Variants in YIPF5 observed in about 807,000 individuals in gnomAD.
The protein encoded by YIPF5 is Yip1 domain family member 5, also known as protein YIPF5.
A neutral mutation model predicts 30.4 loss-of-function variants in YIPF5; 8 were observed. The observed-to-expected ratio is 0.26, with a 90% CI of 0.15 to 0.47. YIPF5 has a LOEUF of 0.47. Among genes scored for constraint, YIPF5 ranks in the 20% least tolerant of loss-of-function variants. YIPF5 has a pLI of 0.99. For missense variants in YIPF5, 282 were observed against 301.8 expected (o/e 0.93, Z 0.49); for synonymous variants, 104 against 107.9 (o/e 0.96, Z 0.23).
In YIPF5 at chr5:144,158,720, T is replaced by A; in HGVS notation, c.*1677A>T. ...AAATTGCTTTTTTAAAGCAATTTGG[T>A]AAGTTTGAAAACCTAGCCCAAAACA... On this transcript the variant is annotated 3_prime_UTR_variant, in exon 6 of 6. Coordinates refer to ENST00000274496, the MANE Select transcript of YIPF5 (RefSeq NM_030799.9). 2 of 1,015,318 alleles carry A rather than the reference T, an allele frequency of 2.0e-6. No individual in the cohort carries two copies. Among genetic ancestry groups the A allele is most frequent in the South Asian group, 7.7e-5 (2 of 25,864 alleles). The allele number at this position is 1,015,318 out of a possible 1,614,324, so 62.9% of individuals were successfully genotyped here. A position where few individuals can be genotyped will look rare whatever the true frequency, so the allele number is the denominator to read the frequency against.
chr5:144,166,857 ACTGT>A (rs755765599), intron 2 of YIPF5, among the ~76,000 whole-genome samples: 5 of 152,172 alleles, frequency 3.3e-5, no homozygotes, highest in Non-Finnish European at 7.4e-5. Context: ...AATGAAACTG[ACTGT>A]CTGCCAACTC....
chr5:144,164,181 C>T lies in YIPF5; in HGVS notation c.359G>A (p.Ser120Asn), dbSNP rs777221520. ...TGCCAAATCAGTTTCATTCATGATGCTGCCATCTGCTACTTTTAACGGATG... is the reference window on the plus strand; with the variant it reads ...TGCCAAATCAGTTTCATTCATGATGTTGCCATCTGCTACTTTTAACGGATG... Reference protein sequence around the residue: ...VLHPLKVADGSIMNETDLAGP... With the variant: ...VLHPLKVADGNIMNETDLAGP... Residue 120 changes from serine (S) to asparagine (N), a missense_variant, in exon 4 of 6, where the codon AGC becomes AAC. Transcript: ENST00000274496. 3.6e-5 allele frequency: 58 copies of T among 1,613,646 alleles called. No individual in the cohort carries two copies. The highest frequency in any genetic ancestry group is 4.5e-5 in the Non-Finnish European group (53 of 1,179,852).
At chr5:144,164,345 A>G (rs548939257) in intron 3 of YIPF5, 89 bp from the exon 4 acceptor site, 455 of 1,166,690 alleles carry the variant, frequency 3.9e-4, no homozygotes, top group Admixed American at 4.8e-4. Context: ...AGACAAAATG[A>G]CATAGCATCA....
chr5:144,169,716 G>C, intron 2 of YIPF5, 130 bp downstream of exon 2: 1 of 744,498 alleles, frequency 1.3e-6, no homozygotes, highest in Non-Finnish European at 2.2e-6. Context: ...AGAGGAAGAA[G>C]ATTATGCATG....
At chr5:144,161,335 T>C (rs1421739942) in intron 5 of YIPF5, among the ~76,000 whole-genome samples, 6 of 12,480 alleles carry the variant, frequency 4.8e-4, no homozygotes, top group Non-Finnish European at 1.0e-3. Flanking sequence ...TTTCCTTCCT[T>C]TTTTTTTTTT....
chr5:144,170,056 A>G (rs1408437332), intron 1 of YIPF5, 91 bp from the exon 2 acceptor site: 8 of 1,021,644 alleles, frequency 7.8e-6, no homozygotes, highest in Non-Finnish European at 1.1e-5. Context: ...TAGAAACACA[A>G]CAAATATTTT....
chr5:144,169,103 A>G lies in YIPF5; in HGVS notation c.110+743T>C, dbSNP rs535069539. Among the ~76,000 whole-genome samples the G allele has an allele frequency of 5.8e-4, 88 of 152,358 alleles. 2 individuals carry two copies. The highest frequency in any genetic ancestry group is 1.8e-3 in the African/African-American group (76 of 41,580). On this transcript the variant is annotated intron_variant, in intron 2 of 5. Transcript: ENST00000274496. ...AAGTTTAAGCAATCCTAGTATAGGA[A>G]GCTCCTTTATTTGACAGGAAGCTGA...
chr5:144,169,518 C>A (rs1455903825), intron 2 of YIPF5, among the ~76,000 whole-genome samples: 1 of 152,232 alleles, frequency 6.6e-6, no homozygotes, highest in East Asian at 1.9e-4. Context: ...GTCCTATGAA[C>A]TAACAGCCTA....
chr5:144,164,402 T>C (rs913291456), intron 3 of YIPF5, 146 bp from the exon 4 acceptor site: 9 of 755,344 alleles, frequency 1.2e-5, no homozygotes, highest in Admixed American at 9.2e-5. Flanking sequence ...ATTATAATTA[T>C]TGTGATAGGG....
In YIPF5 at chr5:144,159,003, T is replaced by C; in HGVS notation, c.*1394A>G. The C allele has an allele frequency of 1.0e-6, 1 of 985,110 alleles. No homozygotes were observed. 61.0% of individuals were successfully genotyped at this position (985,110 alleles called of 1,614,324 possible). ...CTTTGTCCAGAATCAGAGACAGTTT[T>C]TCTAGAAAAAGCCAATGATCAGTAT... On this transcript the variant is annotated 3_prime_UTR_variant, in exon 6 of 6. Transcript: ENST00000274496.
At chr5:144,169,730 G>T in intron 2 of YIPF5, 116 bp downstream of exon 2, 2 of 830,370 alleles carry the variant, frequency 2.4e-6, no homozygotes, top group Non-Finnish European at 3.8e-6. Flanking sequence ...ATGCATGAAA[G>T]ATCATACTCC....
At position 144,160,683 on chromosome 5, in the gene YIPF5, T is replaced by C. The variant is rs893798643; in HGVS notation, c.612-124A>G. On this transcript the variant is annotated intron_variant, in intron 5 of 5. Coordinates refer to ENST00000274496, the MANE Select transcript of YIPF5 (RefSeq NM_030799.9). ...TACATTTTAAATCTGCAAGTAGACA[T>C]ATGCAAAAATAATCAGGATTTTTTT... is the stretch of plus-strand genomic sequence containing the variant. 6.0e-5 allele frequency: 48 copies of C among 793,554 alleles called. No individual in the cohort carries two copies. In the East Asian group the frequency reaches 1.4e-3, roughly 23 times the overall value. 49.2% of individuals were successfully genotyped at this position (793,554 alleles called of 1,614,324 possible).
Position 144,162,272 on chromosome 5 carries a change from T to C in YIPF5, c.557A>G (p.Tyr186Cys), listed in dbSNP as rs1220639006. The change falls in exon 5 of 6, where the codon TAT becomes TGT. Residue 186 changes from tyrosine (Y) to cysteine (C), a missense_variant. Transcript: ENST00000274496. Reference protein sequence around the residue: ...SFGCVASVLGYCLLPMILLSS... With the variant: ...SFGCVASVLGCCLLPMILLSS... ...AAGTAGGATCATGGGCAGAAGACAA[T>C]ATCCAAGGACACTTGCCACACAACC... 3 of 1,614,024 alleles carry C rather than the reference T, an allele frequency of 1.9e-6. No individual in the cohort carries two copies. Among genetic ancestry groups the C allele is most frequent in the Non-Finnish European group, 1.7e-6 (2 of 1,179,968 alleles).
chr5:144,162,547 AGCAGACTG>A, intron 4 of YIPF5, 148 bp from the exon 5 acceptor site: 1 of 718,764 alleles, frequency 1.4e-6, no homozygotes. Flanking sequence ...TAAAAGACTG[AGCAGACTG>A]GCTTGTTACA....
chr5:144,160,315 C>T lies in YIPF5; in HGVS notation c.*82G>A. 6.5e-7 allele frequency: 1 copy of T among 1,535,724 alleles called. No individual in the cohort carries two copies. Among genetic ancestry groups the T allele is most frequent in the Non-Finnish European group, 8.8e-7 (1 of 1,140,550 alleles). Reference sequence around the variant, plus strand: ...GTAAATCTGCATGAGAGTTGCGCTGCAGCAGTTTGCTGGTCCAATTTAAGA... The same window carrying T: ...GTAAATCTGCATGAGAGTTGCGCTGTAGCAGTTTGCTGGTCCAATTTAAGA... On this transcript the variant is annotated 3_prime_UTR_variant, in exon 6 of 6. Transcript: ENST00000274496.
At position 144,162,281 on chromosome 5, in the gene YIPF5, A is replaced by G; in HGVS notation, c.548T>C (p.Val183Ala). Residue 183 changes from valine to alanine, a missense_variant, in exon 5 of 6, where the codon GTC becomes GCC. By Grantham distance (64) the Val-to-Ala change is moderately conservative (BLOSUM62 0). Coordinates refer to ENST00000274496, the MANE Select transcript of YIPF5 (RefSeq NM_030799.9). ...TGVSFGCVAS[V>A]LGYCLLPMIL... ...CATGGGCAGAAGACAATATCCAAGGACACTTGCCACACAACCAAATGAAAC... is the reference window on the plus strand; with the variant it reads ...CATGGGCAGAAGACAATATCCAAGGGCACTTGCCACACAACCAAATGAAAC... The G allele has an allele frequency of 6.2e-7, 1 of 1,614,106 alleles. No homozygotes were observed. The highest frequency in any genetic ancestry group is 8.5e-7 in the Non-Finnish European group (1 of 1,179,988).
Position 144,164,162 on chromosome 5 carries a change from A to G in YIPF5, c.378T>C (p.Asp126=). The G allele has an allele frequency of 6.2e-7, 1 of 1,613,688 alleles. No individual in the cohort carries two copies. Among genetic ancestry groups the G allele is most frequent in the Non-Finnish European group, 8.5e-7 (1 of 1,179,780 alleles). Residue 126 remains aspartate, a synonymous_variant, in exon 4 of 6, where the codon GAT becomes GAC. Transcript: ENST00000274496. ...GGCAAAAAACCATTGGACCTGCCAA[A>G]TCAGTTTCATTCATGATGCTGCCAT... ...VADGSIMNET[D]LAGPMVFCLA... is the part of the protein sequence containing the mutation.
Position 144,159,814 on chromosome 5 carries a change from C to A in YIPF5, c.*583G>T. On this transcript the variant is annotated 3_prime_UTR_variant, in exon 6 of 6. Transcript: ENST00000274496. ...AGCTCCGCCTCCTGGGTTCACACTT[C>A]TCCTGCCTCAGCCTCCTGAGTAGCT... The A allele has an allele frequency of 1.9e-6, 1 of 515,724 alleles. No homozygotes were observed. Among genetic ancestry groups the A allele is most frequent in the Non-Finnish European group, 2.4e-6 (1 of 413,588 alleles). 31.9% of individuals were successfully genotyped at this position (515,724 alleles called of 1,614,324 possible).
At chr5:144,161,508 G>A (rs747316751) in intron 5 of YIPF5, among the ~76,000 whole-genome samples, 8 of 151,752 alleles carry the variant, frequency 5.3e-5, no homozygotes, top group Non-Finnish European at 1.0e-4. Flanking sequence ...TACCATGCCC[G>A]GCTAATTTTG....
Sources: gnomAD v4.1 joint callset for allele counts (sites outside exome capture counted in the v4.1 genomes callset) on GRCh38, gnomAD v4.1.1 for gene constraint, MANE v1.5 for transcripts, NCBI Gene and HGNC (gene_info 2026-07-23, HGNC 2026-07-21) for gene names.